MRE11: variants seen among roughly 807,000 people sequenced by gnomAD.
The protein encoded by MRE11 is double-strand break repair protein MRE11.
A neutral mutation model predicts 91.7 loss-of-function variants in MRE11; 62 were observed. The observed-to-expected ratio is 0.68, with a 90% CI of 0.55 to 0.84. The LOEUF is 0.84. MRE11 is among the 40% of genes least tolerant of loss of function. The pLI, the probability that MRE11 is intolerant of heterozygous loss-of-function variation, is 0.00. For missense variants in MRE11, 796 were observed against 852.9 expected (o/e 0.93, Z 0.83); for synonymous variants, 273 against 271.4 (o/e 1.01, Z -0.06).
rs757691558 is a variant in MRE11 at position 94,456,306 on chromosome 11, AT to A, written c.1532del (p.Asn511IlefsTer13). On this transcript the variant is annotated frameshift_variant, in exon 14 of 20. Coordinates refer to ENST00000323929, the MANE Select transcript of MRE11 (RefSeq NM_005591.4). LOFTEE classifies it high-confidence loss of function. ...VRRFRETRQK[N>X]TNEEDDEVRE... ...GGACTTCATCATCTTCTTCATTAGTATTTTTTTGTCTGGTTTCTCTGAAACG... is the reference window on the plus strand; with the variant it reads ...GGACTTCATCATCTTCTTCATTAGTATTTTTTGTCTGGTTTCTCTGAAACG... 2 of 1,613,616 alleles carry A rather than the reference AT, an allele frequency of 1.2e-6. No individual in the cohort carries two copies. The highest frequency in any genetic ancestry group is 1.1e-5 in the South Asian group (1 of 91,070).
At chr11:94,475,401 C>A in intron 7 of MRE11, 1 of 324,744 alleles carries the variant, frequency 3.1e-6, no homozygotes, top group South Asian at 2.6e-5. Context: ...GATTTTAGGT[C>A]CTGGACCGAA....
chr11:94,507,768 C>T, the MRE11 span, among the ~76,000 whole-genome samples: 4,914 of 152,202 alleles, frequency 0.032, 281 homozygotes, highest in African/African-American at 0.11. Context: ...TGTGTGATGA[C>T]TGACCACTTG....
At chr11:94,450,518 A>T (rs1415753608) in intron 14 of MRE11, among the ~76,000 whole-genome samples, 1 of 152,194 alleles carries the variant, frequency 6.6e-6, no homozygotes, top group Non-Finnish European at 1.5e-5. Context: ...ATCTCAATAC[A>T]TTTTTGATAG....
intron 19 of MRE11, among the ~76,000 whole-genome samples, chr11:94,427,133 T>A (rs1032275841): frequency 6.6e-6 from 1 of 151,958 alleles, no homozygotes; most frequent in Non-Finnish European, 1.5e-5. Context: ...TGAACACAGA[T>A]GTAAAAATCC....
chr11:94,460,870 T>C (rs1946395092), intron 12 of MRE11, 66 bp downstream of exon 12: 6 of 1,277,932 alleles, frequency 4.7e-6, no homozygotes, highest in African/African-American at 4.4e-5. Context: ...CAACTAAACA[T>C]ATCCTAAATT....
At chr11:94,501,597 G>A in the MRE11 span, among the ~76,000 whole-genome samples, 10 of 151,860 alleles carry the variant, frequency 6.6e-5, no homozygotes, top group South Asian at 2.1e-4. Context: ...CACATTTCAA[G>A]TTCTCAGCTA....
intron 19 of MRE11, among the ~76,000 whole-genome samples, chr11:94,421,858 T>C (rs975899449): frequency 2.6e-5 from 4 of 152,146 alleles, no homozygotes; most frequent in Non-Finnish European, 2.9e-5. Context: ...AGTAGTTGAA[T>C]TCATAGAAAG....
chr11:94,425,856 A>C (rs1945300956), intron 19 of MRE11, among the ~76,000 whole-genome samples: 1 of 152,196 alleles, frequency 6.6e-6, no homozygotes, highest in Admixed American at 6.5e-5. Flanking sequence ...ACCTAAAAAA[A>C]GACTCAGACA....
At chr11:94,444,773 C>T (rs1346293854) in intron 16 of MRE11, among the ~76,000 whole-genome samples, 1 of 151,816 alleles carries the variant, frequency 6.6e-6, no homozygotes, top group Non-Finnish European at 1.5e-5. Flanking sequence ...TAGTTCAGCT[C>T]CCCAGTGTGT....
At chr11:94,479,088 G>A (rs12281066) in intron 5 of MRE11, among the ~76,000 whole-genome samples, 1 of 152,106 alleles carries the variant, frequency 6.6e-6, no homozygotes, top group African/African-American at 2.4e-5. Flanking sequence ...ACATGCCAAA[G>A]GCAAGGTTAA....
chr11:94,475,751 T>A, intron 7 of MRE11: 1 of 391,592 alleles, frequency 2.6e-6, no homozygotes, highest in Non-Finnish European at 5.0e-6. Flanking sequence ...CAGCAAGGTT[T>A]ATAAAAGCAA....
At position 94,446,314 on chromosome 11, in the gene MRE11, G is replaced by A. The variant is rs1046998195; in HGVS notation, c.1784-421C>T. Among the ~76,000 whole-genome samples, 11 of 152,310 alleles carry A rather than the reference G, an allele frequency of 7.2e-5. No homozygotes were observed. In the East Asian group the frequency reaches 1.7e-3, roughly 24 times the overall value. On this transcript the variant is annotated intron_variant, in intron 15 of 19. Transcript: ENST00000323929. ...CCCAGCTACCTGGGAGGCTGAGGCA[G>A]GAGAATTGCTTGAACCTGGGAGGCG...
chr11:94,499,304 A>G, the MRE11 span: 1 of 152,550 alleles, frequency 6.6e-6, no homozygotes, highest in African/African-American at 2.4e-5. Flanking sequence ...CTGCTATCCA[A>G]CTGGTTTTAC....
chr11:94,450,369 G>GA (rs1162212412), intron 14 of MRE11, among the ~76,000 whole-genome samples: 1 of 152,026 alleles, frequency 6.6e-6, no homozygotes, highest in Non-Finnish European at 1.5e-5. Context: ...AGACTTAAGA[G>GA]AAAAAAGATG....
chr11:94,457,297 T>C (rs1224237550), intron 13 of MRE11, among the ~76,000 whole-genome samples: 2 of 152,178 alleles, frequency 1.3e-5, no homozygotes, highest in Non-Finnish European at 2.9e-5. Context: ...TTCACTAGAA[T>C]GATGGGATCA....
At chr11:94,488,951 G>A (rs1292318734) in intron 3 of MRE11, among the ~76,000 whole-genome samples, 1 of 151,970 alleles carries the variant, frequency 6.6e-6, no homozygotes, top group African/African-American at 2.4e-5. Context: ...ATAAAAGAAA[G>A]AATCCAGCCA....
intron 11 of MRE11, among the ~76,000 whole-genome samples, chr11:94,461,772 C>T (rs1431225980): frequency 6.6e-6 from 1 of 152,232 alleles, no homozygotes; most frequent in Non-Finnish European, 1.5e-5. Flanking sequence ...AGCAAAGTCT[C>T]AGGATACAAA....
chr11:94,434,539 A>G (rs567594379), intron 18 of MRE11, among the ~76,000 whole-genome samples: 1 of 152,298 alleles, frequency 6.6e-6, no homozygotes, highest in South Asian at 2.1e-4. Flanking sequence ...AAACACTGAT[A>G]TAAGGCTTTT....
chr11:94,454,931 C>A (rs1305494015), intron 14 of MRE11, among the ~76,000 whole-genome samples: 3 of 152,134 alleles, frequency 2.0e-5, no homozygotes, highest in African/African-American at 7.2e-5. Flanking sequence ...ATTTTAAATG[C>A]ACCTTATAAG....
Sources: allele counts gnomAD v4.1 joint callset (sites outside exome capture counted in the v4.1 genomes callset), GRCh38; gene constraint gnomAD v4.1.1; transcripts MANE v1.5; gene names NCBI Gene and HGNC (gene_info 2026-07-23, HGNC 2026-07-21).